Variants in ACKR2 observed in about 807,000 individuals in gnomAD.
The protein encoded by ACKR2 is atypical chemokine receptor 2.
For synonymous variants in ACKR2, 207 were observed against 192.2 expected (o/e 1.08, Z -0.64); for missense variants, 457 against 477.3 (o/e 0.96, Z 0.40).
At chr3:42,834,522 G>A (rs1312138297) in intron 2 of ACKR2, 2 of 151,878 alleles carry the variant, frequency 1.3e-5, no homozygotes, top group Non-Finnish European at 2.9e-5. Context: ...CTATAGACTC[G>A]AGCCACTATG....
chr3:42,861,099 AATAG>A (rs1366433353), intron 2 of ACKR2, among the ~76,000 whole-genome samples: 11 of 152,174 alleles, frequency 7.2e-5, no homozygotes, highest in Non-Finnish European at 1.2e-4. Context: ...AGATCAACAA[AATAG>A]ATAGACCACT....
At chr3:42,842,848 T>A (rs1701053065) in intron 2 of ACKR2, among the ~76,000 whole-genome samples, 1 of 151,690 alleles carries the variant, frequency 6.6e-6, no homozygotes, top group Non-Finnish European at 1.5e-5. Flanking sequence ...CCAGGTGTGG[T>A]GGTGGACACC....
In ACKR2 at chr3:42,866,703, C is replaced by T. The variant is rs2088438492; in HGVS notation, c.*1046C>T. 6.0e-6 allele frequency: 1 copy of T among 166,954 alleles called. No homozygotes were observed. The highest frequency in any genetic ancestry group is 1.5e-5 in the Non-Finnish European group (1 of 68,106). The allele number at this position is 166,954 out of a possible 1,614,324, so 10.3% of individuals were successfully genotyped here. ...ATTACAACAAATTTAGTTTAAAGGT[C>T]TCAATTAGCGTTATTGGCAATTCTA... On this transcript the variant is annotated 3_prime_UTR_variant, in exon 3 of 3. Coordinates refer to ENST00000422265, the MANE Select transcript of ACKR2 (RefSeq NM_001296.5).
chr3:42,828,092 A>ATATTTTTTTTTTTTTTTTTTTT (rs1193533555), intron 2 of ACKR2, among the ~76,000 whole-genome samples: 1 of 121,902 alleles, frequency 8.2e-6, no homozygotes, highest in Non-Finnish European at 1.7e-5. Flanking sequence ...ATATATATAT[A>ATATTTTTTTTTTTTTTTTTTTT]TTTTTTTTTT....
intron 2 of ACKR2, among the ~76,000 whole-genome samples, chr3:42,830,015 G>A (rs889023445): frequency 1.2e-3 from 182 of 152,284 alleles, no homozygotes; most frequent in African/African-American, 4.1e-3. Flanking sequence ...TTTCATAGAT[G>A]TCTAATATTT....
At position 42,817,605 on chromosome 3, in the gene ACKR2, A is replaced by G. The variant is rs115870509; in HGVS notation, c.-118-2026A>G. ...GCATCCAGGCTTCTCATACTCTTCC[A>G]TTTAAAAAAGATTCCTTCCTAGATT... On this transcript the variant is annotated intron_variant, in intron 1 of 2. Transcript: ENST00000422265. Among the ~76,000 whole-genome samples, 1,447 of 152,078 alleles carry G rather than the reference A, an allele frequency of 9.5e-3. 10 individuals carry two copies. Among genetic ancestry groups the G allele is most frequent in the Middle Eastern group, 0.02 (6 of 294 alleles).
rs78593214 is a variant in ACKR2, at chr3:42,846,735, G to A, written c.-37-17731G>A. 8.3e-3 allele frequency among the ~76,000 whole-genome samples: 1,267 copies of A among 152,246 alleles called. 16 individuals carry two copies. Among genetic ancestry groups the A allele is most frequent in the African/African-American group, 0.029 (1,188 of 41,532 alleles). Reference sequence around the variant, plus strand: ...GCGGTAAGACCACTGTTAGGTAAGAGCAAGTAATTCTAGGAAGGCTTTCTA... The same window carrying A: ...GCGGTAAGACCACTGTTAGGTAAGAACAAGTAATTCTAGGAAGGCTTTCTA... On this transcript the variant is annotated intron_variant, in intron 2 of 2. Coordinates refer to ENST00000422265, the MANE Select transcript of ACKR2 (RefSeq NM_001296.5).
At chr3:42,831,840 T>G (rs1334289984) in intron 2 of ACKR2, among the ~76,000 whole-genome samples, 2 of 152,202 alleles carry the variant, frequency 1.3e-5, no homozygotes, top group African/African-American at 4.8e-5. Flanking sequence ...CTCCTGACTC[T>G]CCTTTCATGG....
intron 2 of ACKR2, among the ~76,000 whole-genome samples, chr3:42,820,836 T>C (rs1700803538): frequency 6.6e-6 from 1 of 150,908 alleles, no homozygotes; most frequent in Non-Finnish European, 1.5e-5. Context: ...AGCTTGTGAG[T>C]TCTCTAGGAA....
intron 1 of ACKR2, among the ~76,000 whole-genome samples, 172 bp from the exon 2 acceptor site, chr3:42,819,449 CAGTAGAAAAG>C: frequency 6.7e-6 from 1 of 149,904 alleles, no homozygotes; most frequent in South Asian, 2.1e-4. Flanking sequence ...TGGCTCTTTC[CAGTAGAAAAG>C]AGCTGGGCTC....
intron 2 of ACKR2, among the ~76,000 whole-genome samples, chr3:42,861,198 A>T (rs1251521108): frequency 6.6e-6 from 1 of 152,252 alleles, no homozygotes; most frequent in African/African-American, 2.4e-5. Context: ...TTGATCCCAC[A>T]GAAATACAAA....
intron 2 of ACKR2, among the ~76,000 whole-genome samples, chr3:42,859,600 C>T (rs1216974716): frequency 6.6e-6 from 1 of 152,010 alleles, no homozygotes; most frequent in Non-Finnish European, 1.5e-5. Flanking sequence ...CCAGGATGGT[C>T]TCGATCTCCT....
intron 2 of ACKR2, among the ~76,000 whole-genome samples, chr3:42,830,017 CT>C (rs1242326428): frequency 1.2e-3 from 182 of 152,320 alleles, no homozygotes; most frequent in African/African-American, 4.1e-3. Flanking sequence ...TCATAGATGT[CT>C]AATATTTACT....
chr3:42,820,922 T>C (rs1037821202), intron 2 of ACKR2, among the ~76,000 whole-genome samples: 1 of 151,868 alleles, frequency 6.6e-6, no homozygotes, highest in African/African-American at 2.4e-5. Flanking sequence ...TCTCACACTG[T>C]TGCCTGGGCT....
intron 2 of ACKR2, among the ~76,000 whole-genome samples, chr3:42,843,540 C>T (rs576157687): frequency 6.3e-4 from 96 of 152,140 alleles, no homozygotes; most frequent in African/African-American, 2.2e-3. Flanking sequence ...AAAATAACTG[C>T]TTAGATGGAA....
intron 2 of ACKR2, chr3:42,835,408 TCA>T (rs1491482517): frequency 6.6e-6 from 1 of 151,830 alleles, no homozygotes; most frequent in Non-Finnish European, 1.5e-5. Context: ...TTTCCGTTGC[TCA>T]CGTCTTCACT....
intron 2 of ACKR2, among the ~76,000 whole-genome samples, chr3:42,851,877 C>T (rs1282564774): frequency 6.6e-6 from 1 of 152,136 alleles, no homozygotes; most frequent in Non-Finnish European, 1.5e-5. Flanking sequence ...TTGCACATGT[C>T]CACCCTCTCC....
rs187803056 is a variant in ACKR2 at position 42,845,804 on chromosome 3, G to A, written c.-37-18662G>A. ...GCGGAGGCTGCAGTGAACTGAGATCGTGCCACTGCACTCCAGCCTGGGCGA... is the reference window on the plus strand; with the variant it reads ...GCGGAGGCTGCAGTGAACTGAGATCATGCCACTGCACTCCAGCCTGGGCGA... On this transcript the variant is annotated intron_variant, in intron 2 of 2. Transcript: ENST00000422265. Among the ~76,000 whole-genome samples, 348 of 146,600 alleles carry A rather than the reference G, an allele frequency of 2.4e-3. 1 individual carries two copies. The highest frequency in any genetic ancestry group is 6.9e-3 in the African/African-American group (271 of 39,352).
intron 2 of ACKR2, 113 bp from the exon 3 acceptor site, chr3:42,864,353 C>A: frequency 1.1e-6 from 1 of 902,230 alleles, no homozygotes; most frequent in Non-Finnish European, 1.6e-6. Context: ...ACTTGCTGGA[C>A]TGCAGGTACT....
Sources: allele counts gnomAD v4.1 joint callset (sites outside exome capture counted in the v4.1 genomes callset), GRCh38; gene constraint gnomAD v4.1.1; transcripts MANE v1.5; gene names NCBI Gene and HGNC (gene_info 2026-07-23, HGNC 2026-07-21).